SCAP: variants seen among roughly 807,000 people sequenced by gnomAD.
SCAP encodes SREBF chaperone.
SCAP carries 65 observed loss-of-function variants against 123.6 expected under a neutral mutation model. The observed-to-expected ratio is 0.53, with a 90% CI of 0.43 to 0.65. The LOEUF is 0.65. Among genes scored for constraint, SCAP ranks in the 30% least tolerant of loss-of-function variants. The pLI, the probability that SCAP is intolerant of heterozygous loss-of-function variation, is 0.00. For synonymous variants in SCAP, 740 were observed against 726.3 expected (o/e 1.02, Z -0.30); for missense variants, 1,398 against 1,712.5 (o/e 0.82, Z 3.24).
chr3:47,446,378 G>A (rs982631821), intron 1 of SCAP, among the ~76,000 whole-genome samples: 1 of 151,938 alleles, frequency 6.6e-6, no homozygotes, highest in African/African-American at 2.4e-5. Context: ...TCACTATGTT[G>A]GCCAGGCTTG....
chr3:47,413,938 C>T lies in SCAP; in HGVS notation c.3756G>A (p.Val1252=). The change falls in exon 23 of 23, where the codon GTG becomes GTA. Residue 1252 remains valine (V), a synonymous_variant. Transcript: ENST00000265565. ...TGCAGACAATGGCAGCGTTGTCCAG[C>T]ACCAGGATCTGGCGGGCAGGCTGGG... ...SEAQPARQIL[V]LDNAAIVCNF... 6.2e-7 allele frequency: 1 copy of T among 1,613,344 alleles called. No individual in the cohort carries two copies. The highest frequency in any genetic ancestry group is 8.5e-7 in the Non-Finnish European group (1 of 1,180,032).
intron 1 of SCAP, among the ~76,000 whole-genome samples, chr3:47,474,295 G>A (rs906820763): frequency 6.6e-6 from 1 of 151,214 alleles, no homozygotes; most frequent in African/African-American, 2.4e-5. Flanking sequence ...AAAAGAGAGA[G>A]CATTCAAACA....
At position 47,439,266 on chromosome 3, in the gene SCAP, G is replaced by A. The variant is rs771699463; in HGVS notation, c.122+3606C>T. Among the ~76,000 whole-genome samples, 5 of 151,982 alleles carry A rather than the reference G, an allele frequency of 3.3e-5. No homozygotes were observed. The highest frequency in any genetic ancestry group is 7.3e-5 in the African/African-American group (3 of 41,374). On this transcript the variant is annotated intron_variant, in intron 2 of 22. Coordinates refer to ENST00000265565, the MANE Select transcript of SCAP (RefSeq NM_012235.4). This position sits in a 1 kb window ranked among gnomAD's most constrained non-coding sequence, Gnocchi z 4.0. ...TCTACTAAAAATACAAAAAATAGCC[G>A]GACGTGGTGGCTCACACCTGTAATC... is the stretch of plus-strand genomic sequence containing the variant.
chr3:47,426,025 G>A lies in SCAP; in HGVS notation c.882C>T (p.Ile294=). ...ELIPLVTTYI[I]LFAYIYFSTR... ...TGGAGAAGTAGATGTAGGCAAACAA[G>A]ATGATGTAGGTGGTCACAAGGGGGA... The change falls in exon 7 of 23, where the codon ATC becomes ATT. Residue 294 remains isoleucine (I), a synonymous_variant. Transcript: ENST00000265565. 1.9e-6 allele frequency: 3 copies of A among 1,614,178 alleles called. No individual in the cohort carries two copies. Among genetic ancestry groups the A allele is most frequent in the East Asian group, 2.2e-5 (1 of 44,888 alleles).
chr3:47,435,061 G>A lies in SCAP; in HGVS notation c.199C>T (p.Pro67Ser), dbSNP rs748776191. Residue 67 changes from proline to serine, a missense_variant, in exon 3 of 23, where the codon CCA becomes TCA. Coordinates refer to ENST00000265565, the MANE Select transcript of SCAP (RefSeq NM_012235.4). ...TGTTTGCGGTCAGAGTCCACAGGTG[G>A]GGGCGAGTAATCCTTCACAGGGGTG... ...FTTPVKDYSPPPVDSDRKQGE... is the reference protein window; with the variant it reads ...FTTPVKDYSPSPVDSDRKQGE... 1 of 1,614,106 alleles carries A rather than the reference G, an allele frequency of 6.2e-7. No homozygotes were observed. Among genetic ancestry groups the A allele is most frequent in the East Asian group, 2.2e-5 (1 of 44,868 alleles).
intron 1 of SCAP, among the ~76,000 whole-genome samples, chr3:47,473,094 A>AAAAAAAAAAAAAAAAAAAAAAAAC (rs1559576252): frequency 6.8e-6 from 1 of 147,120 alleles, no homozygotes; most frequent in African/African-American, 2.5e-5. Context: ...AAAAAAAAAA[A>AAAAAAAAAAAAAAAAAAAAAAAAC]AAAAACAGAC....
rs576433381 is a variant in SCAP at position 47,418,689 on chromosome 3, C to A, written c.2095G>T (p.Gly699Trp). Residue 699 changes from glycine to tryptophan, a missense_variant, in exon 14 of 23, where the codon GGG (glycine) becomes TGG (tryptophan). By Grantham distance (184) the Gly-to-Trp change is radical. Around this residue, in one of 7 missense-constraint regions of SCAP, gnomAD observed 828 missense variants for 882.5 expected, o/e 0.94. Coordinates refer to ENST00000265565, the MANE Select transcript of SCAP (RefSeq NM_012235.4). ...GTGACGTCTCCATGGGCCTGCACCCCACCTGGGCCCTTGGGTCCTGCTTCC... is the reference window on the plus strand; with the variant it reads ...GTGACGTCTCCATGGGCCTGCACCCAACCTGGGCCCTTGGGTCCTGCTTCC... ...HWEAGPKGPGGVQAHGDVTLY... is the reference protein window; with the variant it reads ...HWEAGPKGPGWVQAHGDVTLY... The A allele has an allele frequency of 2.5e-6, 4 of 1,610,878 alleles. No homozygotes were observed. The highest frequency in any genetic ancestry group is 3.4e-6 in the Non-Finnish European group (4 of 1,179,148).
At chr3:47,416,578 T>TGCC (rs1705581970) in intron 18 of SCAP, among the ~76,000 whole-genome samples, 1 of 150,396 alleles carries the variant, frequency 6.6e-6, no homozygotes, top group African/African-American at 2.4e-5. Flanking sequence ...GGTCACCATG[T>TGCC]GCCATGCCCT....
chr3:47,445,939 G>C, intron 1 of SCAP, among the ~76,000 whole-genome samples: 1 of 146,054 alleles, frequency 6.8e-6, no homozygotes, highest in East Asian at 2.0e-4. Context: ...GCGGTGGTGC[G>C]ATCTCAGCTC....
chr3:47,475,411 A>G (rs1215119076), intron 1 of SCAP: 2 of 152,294 alleles, frequency 1.3e-5, no homozygotes, highest in Non-Finnish European at 2.9e-5. Flanking sequence ...CAAAAGAGGC[A>G]AAGTGGAGAA....
chr3:47,451,946 CAG>C lies in SCAP; in HGVS notation c.-98-8857_-98-8856del, dbSNP rs1295054876. Among the ~76,000 whole-genome samples, 2 of 59,492 alleles carry C rather than the reference CAG, an allele frequency of 3.4e-5. 1 individual carries two copies. The highest frequency in any genetic ancestry group is 9.4e-5 in the African/African-American group (2 of 21,182). 39.0% of individuals were successfully genotyped at this position (59,492 alleles called of 152,430 possible). Reference sequence around the variant, plus strand: ...ATGTGTGCCAACCTCATTCCCATCTCAGGGGCCTGGCACATACTGTTCCATCC... The same window carrying C: ...ATGTGTGCCAACCTCATTCCCATCTCGGGCCTGGCACATACTGTTCCATCC... On this transcript the variant is annotated intron_variant, in intron 1 of 22. Transcript: ENST00000265565.
rs1705612410 is a variant in SCAP at position 47,417,058 on chromosome 3, C to G, written c.3056+64G>C. The stretch of plus-strand genomic sequence containing the variant: ...TTGAAGAGAACCAGAACTCAAGACT[C>G]AAGAGAGTATGGCCTAGCCAACAAA... On this transcript the variant is annotated intron_variant, in intron 18 of 22. Transcript: ENST00000265565. 3.4e-6 allele frequency: 5 copies of G among 1,450,140 alleles called. No homozygotes were observed. In the Admixed American group the frequency reaches 6.9e-5, roughly 20 times the overall value. The allele number at this position is 1,450,140 out of a possible 1,614,324, so 89.8% of individuals were successfully genotyped here. A position where few individuals can be genotyped will look rare whatever the true frequency, so the allele number is the denominator to read the frequency against.
intron 1 of SCAP, among the ~76,000 whole-genome samples, chr3:47,453,671 C>T (rs1385152649): frequency 6.6e-6 from 1 of 152,058 alleles, no homozygotes; most frequent in Non-Finnish European, 1.5e-5. Context: ...TTCAGTTCCA[C>T]AAAGGAAGAA....
At chr3:47,434,878 A>G (rs1706506650) in intron 3 of SCAP, 130 bp downstream of exon 3, 1 of 1,162,688 alleles carries the variant, frequency 8.6e-7, no homozygotes. Flanking sequence ...TGGTACACTG[A>G]TAAAGCTGTT....
In SCAP at chr3:47,413,726, A is replaced by G; in HGVS notation, c.*128T>C. Reference sequence around the variant, plus strand: ...AGATGATGATATGGTTTTTTAAAAAAGTTTAATATTATTACAGTCAGGAGG... The same window carrying G: ...AGATGATGATATGGTTTTTTAAAAAGGTTTAATATTATTACAGTCAGGAGG... On this transcript the variant is annotated 3_prime_UTR_variant, in exon 23 of 23. Transcript: ENST00000265565. The G allele has an allele frequency of 7.7e-7, 1 of 1,295,494 alleles. No individual in the cohort carries two copies. Among genetic ancestry groups the G allele is most frequent in the Admixed American group, 2.3e-5 (1 of 43,792 alleles). 80.2% of individuals were successfully genotyped at this position (1,295,494 alleles called of 1,614,324 possible).
In SCAP at chr3:47,419,490, G is replaced by A. The variant is rs530103700; in HGVS notation, c.1778C>T (p.Ser593Leu). Residue 593 changes from serine to leucine, a missense_variant, in exon 13 of 23, where the codon TCG becomes TTG. By Grantham distance (145) the Ser-to-Leu change is moderately radical (BLOSUM62 -2). Transcript: ENST00000265565. This position sits in a 1 kb window ranked among gnomAD's most constrained non-coding sequence, Gnocchi z 5.0. ...DAPKLPENQT[S>L]PGESPERGGP... ...TCCACGCTCAGGTGACTCGCCTGGC[G>A]ACGTCTGGTTCTCAGGTAGCTTAGG... 7.1e-5 allele frequency: 115 copies of A among 1,614,024 alleles called. No homozygotes were observed. Among genetic ancestry groups the A allele is most frequent in the Non-Finnish European group, 7.9e-5 (93 of 1,180,010 alleles).
rs144742739 is a variant in SCAP, at chr3:47,466,570, T to C, written c.-99+9229A>G. 5.3e-5 allele frequency among the ~76,000 whole-genome samples: 8 copies of C among 152,302 alleles called. 1 individual carries two copies. The highest frequency in any genetic ancestry group is 2.1e-4 in the South Asian group (1 of 4,830). Reference sequence around the variant, plus strand: ...GGGAAAGGACAGTCTCTTCAACAAATGCTACTGGGAAAACTGGATAGTTAC... The same window carrying C: ...GGGAAAGGACAGTCTCTTCAACAAACGCTACTGGGAAAACTGGATAGTTAC... On this transcript the variant is annotated intron_variant, in intron 1 of 22. Transcript: ENST00000265565.
intron 10 of SCAP, chr3:47,421,479 A>AAG (rs147281523): frequency 4.0e-5 from 7 of 175,304 alleles, no homozygotes; most frequent in East Asian, 1.6e-4. Context: ...CGGAACAATG[A>AAG]AGAGAGAGAG....
Position 47,418,142 on chromosome 3 carries a change from C to T in SCAP, c.2439G>A (p.Pro813=), listed in dbSNP as rs754951028. ...AQTGDCLTRI[P]RPGRQRRDSG... ...AGGGCAGCCGCACCTACCCTGGGCG[C>T]GGAATGCGCGTTAGGCAATCCCCGG... is the stretch of plus-strand genomic sequence containing the variant. Residue 813 remains proline (P), a synonymous_variant, in exon 16 of 23, where the codon CCG becomes CCA. Transcript: ENST00000265565. The T allele has an allele frequency of 4.5e-6, 7 of 1,559,590 alleles. No individual in the cohort carries two copies. Among genetic ancestry groups the T allele is most frequent in the Middle Eastern group, 1.8e-4 (1 of 5,566 alleles).
Sources: allele counts gnomAD v4.1 joint callset (sites outside exome capture counted in the v4.1 genomes callset), GRCh38; gene constraint gnomAD v4.1.1; regional missense constraint gnomAD v4.1.1; non-coding constraint Gnocchi (gnomAD v3.1); transcripts MANE v1.5; gene names NCBI Gene and HGNC (gene_info 2026-07-23, HGNC 2026-07-21).